The following RNLS variants were observed in gnomAD, a reference collection of about 807,000 sequenced individuals.
RNLS encodes the protein renalase, FAD dependent amine oxidase, also known as renalase.
A neutral mutation model predicts 39.8 loss-of-function variants in RNLS; 39 were observed. That is an observed-to-expected ratio of 0.98 (90% CI 0.76 to 1.28). RNLS has a LOEUF of 1.28. Among genes scored for constraint, RNLS ranks in the 50% most tolerant of loss-of-function variants. RNLS has a pLI of 0.00. For synonymous variants in RNLS, 147 were observed against 150.7 expected (o/e 0.98, Z 0.18); for missense variants, 410 against 413.3 (o/e 0.99, Z 0.07).
rs780650761 is a variant in RNLS, at chr10:88,362,640, C to T, written c.612G>A (p.Thr204=). 12 of 1,613,840 alleles carry T rather than the reference C, an allele frequency of 7.4e-6. No individual in the cohort carries two copies. The highest frequency in any genetic ancestry group is 6.7e-5 in the East Asian group (3 of 44,892). Residue 204 remains threonine (T), a synonymous_variant, in exon 5 of 7, where the codon ACG becomes ACA. Transcript: ENST00000331772. ...YALGLFYEAG[T]KIDVPWAGQY... ...GCCCAGCCCAAGGGACATCAATCTT[C>T]GTACCAGCTTCATAAAAGAGGCCCA...
intron 6 of RNLS, among the ~76,000 whole-genome samples, chr10:88,287,558 A>G (rs1228869043): frequency 6.6e-6 from 1 of 152,160 alleles, no homozygotes; most frequent in African/African-American, 2.4e-5. Flanking sequence ...AGCAAGGGAT[A>G]TGTATTAGTT....
chr10:88,232,174 G>A, the RNLS span, among the ~76,000 whole-genome samples: 1 of 152,282 alleles, frequency 6.6e-6, no homozygotes, highest in East Asian at 1.9e-4. Context: ...CTTGAGTCGG[G>A]TGCCCAATGC....
At chr10:88,524,335 C>G (rs993538840) in intron 4 of RNLS, among the ~76,000 whole-genome samples, 8 of 152,064 alleles carry the variant, frequency 5.3e-5, no homozygotes, top group African/African-American at 1.7e-4. Context: ...CAGCAACAGA[C>G]AACTTATTTA....
intron 6 of RNLS, among the ~76,000 whole-genome samples, chr10:88,301,878 G>A (rs956860411): frequency 6.6e-6 from 1 of 152,110 alleles, no homozygotes; most frequent in Non-Finnish European, 1.5e-5. Context: ...AGAAAAAGTG[G>A]GACATGTGGG....
Position 88,284,354 on chromosome 10 carries a change from T to C in RNLS, c.*1000A>G. 2 of 985,398 alleles carry C rather than the reference T, an allele frequency of 2.0e-6. No individual in the cohort carries two copies. The highest frequency in any genetic ancestry group is 2.4e-6 in the Non-Finnish European group (2 of 829,932). The allele number at this position is 985,398 out of a possible 1,614,324, so 61.0% of individuals were successfully genotyped here. ...CAAAATGCTGAAATAGAACTCATCA[T>C]TTTGCTTTTCAAATTAGCAACAGGT... On this transcript the variant is annotated 3_prime_UTR_variant, in exon 7 of 7. Coordinates refer to ENST00000331772, the MANE Select transcript of RNLS (RefSeq NM_001031709.3).
chr10:88,258,816 C>T, the RNLS span, among the ~76,000 whole-genome samples: 2 of 152,322 alleles, frequency 1.3e-5, no homozygotes, highest in South Asian at 4.1e-4. Flanking sequence ...ACTACATCCA[C>T]TCTTCTGATG....
rs185037365 is a variant in RNLS, at chr10:88,285,221, C to T, written c.*133G>A. ...ATTACAAAATTGATTTTATACTCCA[C>T]ATGAAAAATGATAATAAGTGAAGAA... On this transcript the variant is annotated 3_prime_UTR_variant, in exon 7 of 7. Coordinates refer to ENST00000331772, the MANE Select transcript of RNLS (RefSeq NM_001031709.3). The T allele has an allele frequency of 6.0e-5, 83 of 1,380,740 alleles. No individual in the cohort carries two copies. The African/African-American group carries it at 9.5e-4, about 16-fold the overall frequency. The allele number at this position is 1,380,740 out of a possible 1,614,324, so 85.5% of individuals were successfully genotyped here. A position where few individuals can be genotyped will look rare whatever the true frequency, so the allele number is the denominator to read the frequency against.
At chr10:88,524,103 T>C (rs1846930014) in intron 4 of RNLS, among the ~76,000 whole-genome samples, 1 of 152,026 alleles carries the variant, frequency 6.6e-6, no homozygotes, top group South Asian at 2.1e-4. Flanking sequence ...CCACACATCA[T>C]TCCTTAAAAC....
chr10:88,327,126 T>A (rs1486923278), intron 5 of RNLS, among the ~76,000 whole-genome samples: 3 of 152,184 alleles, frequency 2.0e-5, no homozygotes, highest in Non-Finnish European at 4.4e-5. Flanking sequence ...TTTTCTCAGA[T>A]GAAACTTTGG....
At chr10:88,570,993 T>G (rs1252003153) in intron 4 of RNLS, among the ~76,000 whole-genome samples, 1 of 151,142 alleles carries the variant, frequency 6.6e-6, no homozygotes, top group Non-Finnish European at 1.5e-5. Flanking sequence ...TGGTTTGTTT[T>G]TTTTTTTTGA....
At chr10:88,254,522 G>A in the RNLS span, among the ~76,000 whole-genome samples, 1 of 152,202 alleles carries the variant, frequency 6.6e-6, no homozygotes, top group Non-Finnish European at 1.5e-5. Context: ...GAAGGGCAGA[G>A]GTGACAGAAC....
rs560279812 is a variant in RNLS at position 88,278,909 on chromosome 10, T to C, written c.877-3877A>G. Among the ~76,000 whole-genome samples, 147 of 152,306 alleles carry C rather than the reference T, an allele frequency of 9.7e-4. 1 individual carries two copies. The highest frequency in any genetic ancestry group is 3.2e-3 in the African/African-American group (135 of 41,568). On this transcript the variant is annotated intron_variant, in intron 6 of 6. Transcript: ENST00000371947. ...CTTACTAATATTAGAATAAAAAAAG[T>C]TAATTAGTTAAGTTCATTCATTCAT...
At chr10:88,393,692 C>T (rs1380140399) in intron 4 of RNLS, among the ~76,000 whole-genome samples, 1 of 152,100 alleles carries the variant, frequency 6.6e-6, no homozygotes, top group Non-Finnish European at 1.5e-5. Flanking sequence ...GAAAAAACTA[C>T]TTTAAAGTTC....
intron 5 of RNLS, among the ~76,000 whole-genome samples, chr10:88,358,398 G>C (rs1343099205): frequency 6.6e-6 from 1 of 152,180 alleles, no homozygotes; most frequent in Admixed American, 6.5e-5. Flanking sequence ...TCTGTGGGAT[G>C]TTAGTAGGTT....
At chr10:88,415,788 C>G (rs922371954) in intron 4 of RNLS, among the ~76,000 whole-genome samples, 8 of 152,162 alleles carry the variant, frequency 5.3e-5, no homozygotes, top group Admixed American at 1.3e-4. Flanking sequence ...GTTCTTGCTC[C>G]CAGACTAGAG....
intron 5 of RNLS, among the ~76,000 whole-genome samples, chr10:88,337,864 G>T (rs73360785): frequency 0.035 from 5,339 of 152,182 alleles, 145 homozygotes; most frequent in African/African-American, 0.067. Context: ...ATTTATGCTC[G>T]TTCTTACAAA....
chr10:88,214,300 A>G, the RNLS span, among the ~76,000 whole-genome samples: 1 of 152,184 alleles, frequency 6.6e-6, no homozygotes, highest in Non-Finnish European at 1.5e-5. Context: ...AGAGCCCTAG[A>G]TACAGCAAAA....
chr10:88,252,320 G>A, the RNLS span, among the ~76,000 whole-genome samples: 1 of 152,168 alleles, frequency 6.6e-6, no homozygotes. Flanking sequence ...GGTTCTCTAA[G>A]CCGTCAATCA....
At chr10:88,542,251 C>T (rs1273296683) in intron 4 of RNLS, among the ~76,000 whole-genome samples, 3 of 152,122 alleles carry the variant, frequency 2.0e-5, no homozygotes, top group Non-Finnish European at 2.9e-5. Flanking sequence ...AGCATGATTA[C>T]TCCATGCTGC....
Sources: gnomAD v4.1 joint callset for allele counts (sites outside exome capture counted in the v4.1 genomes callset) on GRCh38, gnomAD v4.1.1 for gene constraint, MANE v1.5 for transcripts, NCBI Gene and HGNC (gene_info 2026-07-23, HGNC 2026-07-21) for gene names.